SMIM41: variants seen among roughly 807,000 people sequenced by gnomAD.
The protein encoded by SMIM41 is small integral membrane protein 41.
rs563104656 is a variant in SMIM41 at position 52,103,255 on chromosome 12, A to G, written c.*196-4124A>G. ...GGCACAAGAATCGCTTGAACCCGGG[A>G]GGTGGAGGTTGCAGTGAGCCCAGAT... On this transcript the variant is annotated intron_variant, in intron 2 of 2. Transcript: ENST00000546390. Among the ~76,000 whole-genome samples, 3 of 148,434 alleles carry G rather than the reference A, an allele frequency of 2.0e-5. No homozygotes were observed. In the Admixed American group the frequency reaches 2.0e-4, roughly 10 times the overall value.
At chr12:52,091,999 T>C (rs1305192416) in intron 2 of SMIM41, 3 of 152,236 alleles carry the variant, frequency 2.0e-5, no homozygotes, top group Non-Finnish European at 2.9e-5. Flanking sequence ...ACCACCTTCA[T>C]GGATTTGCGT....
chr12:52,100,622 A>ATTTTTTTTTTTTTTTT lies in SMIM41; in HGVS notation c.*196-6750_*196-6735dup, dbSNP rs1173057236. 1.1e-4 allele frequency among the ~76,000 whole-genome samples: 12 copies of ATTTTTTTTTTTTTTTT among 111,130 alleles called. 1 individual carries two copies. The highest frequency in any genetic ancestry group is 2.6e-4 in the East Asian group (1 of 3,778). 72.9% of individuals were successfully genotyped at this position (111,130 alleles called of 152,430 possible). A position where few individuals can be genotyped will look rare whatever the true frequency, so the allele number is the denominator to read the frequency against. ...CAGGCATGCGCTACCGCGCCCAGCT[A>ATTTTTTTTTTTTTTTT]TTTTTTTTTTTTTTTTTTTTTTGTA... On this transcript the variant is annotated intron_variant, in intron 2 of 2. Coordinates refer to ENST00000546390, the MANE Select transcript of SMIM41 (RefSeq NM_001369216.1).
chr12:52,088,557 CA>C (rs1270458082), intron 2 of SMIM41, among the ~76,000 whole-genome samples: 1 of 152,210 alleles, frequency 6.6e-6, no homozygotes, highest in African/African-American at 2.4e-5. Context: ...TCCACCCCAG[CA>C]GCTGTCCCCG....
chr12:52,085,690 C>G (rs894060316), intron 2 of SMIM41, among the ~76,000 whole-genome samples: 4 of 152,064 alleles, frequency 2.6e-5, no homozygotes, highest in African/African-American at 9.7e-5. Context: ...AACAGTACTA[C>G]GCTGAGAGTA....
chr12:52,107,544 G>T lies in SMIM41; in HGVS notation c.*361G>T. On this transcript the variant is annotated 3_prime_UTR_variant, in exon 3 of 3. Transcript: ENST00000546390. ...CTCCAACCTGTCCTTGCCTGACATCGGTTTCACCTCCACCACGGTCCCCCA... is the reference window on the plus strand; with the variant it reads ...CTCCAACCTGTCCTTGCCTGACATCTGTTTCACCTCCACCACGGTCCCCCA... 2.0e-6 allele frequency: 2 copies of T among 976,362 alleles called. No individual in the cohort carries two copies. Among genetic ancestry groups the T allele is most frequent in the South Asian group, 1.3e-5 (1 of 79,490 alleles). 60.5% of individuals were successfully genotyped at this position (976,362 alleles called of 1,614,324 possible).
At chr12:52,091,762 C>T (rs1015410009) in intron 2 of SMIM41, among the ~76,000 whole-genome samples, 1 of 152,204 alleles carries the variant, frequency 6.6e-6, no homozygotes, top group African/African-American at 2.4e-5. Flanking sequence ...AATGTATGAA[C>T]TCCCAGAAAT....
At chr12:52,090,735 G>A (rs1939985674) in intron 2 of SMIM41, among the ~76,000 whole-genome samples, 1 of 152,248 alleles carries the variant, frequency 6.6e-6, no homozygotes, top group Non-Finnish European at 1.5e-5. Context: ...CTGGCAGAGA[G>A]GAAAGACTGG....
At chr12:52,105,769 A>G (rs1172343469) in intron 2 of SMIM41, among the ~76,000 whole-genome samples, 1 of 152,184 alleles carries the variant, frequency 6.6e-6, no homozygotes, top group African/African-American at 2.4e-5. Flanking sequence ...AACAAAAACA[A>G]AAACAAAAAA....
At chr12:52,082,353 G>A (rs952295283) in intron 1 of SMIM41, among the ~76,000 whole-genome samples, 1 of 152,166 alleles carries the variant, frequency 6.6e-6, no homozygotes, top group African/African-American at 2.4e-5. Flanking sequence ...TGGGGCGGGG[G>A]TGTAGAGGTG....
At chr12:52,080,684 A>G (rs1003332437) in intron 1 of SMIM41, among the ~76,000 whole-genome samples, 36 of 152,164 alleles carry the variant, frequency 2.4e-4, no homozygotes, top group Admixed American at 3.9e-4. Flanking sequence ...AGGCGGCTCC[A>G]GCCTTTGGCC....
At chr12:52,107,202 G>A in intron 2 of SMIM41, 177 bp from the exon 3 acceptor site, 2 of 361,430 alleles carry the variant, frequency 5.5e-6, no homozygotes, top group Admixed American at 3.7e-5. Context: ...TCCTGAGTGT[G>A]GATTGCTCTG....
rs1219364565 is a variant in SMIM41, at chr12:52,107,467, A to T, written c.*284A>T. 3.7e-5 allele frequency: 23 copies of T among 628,942 alleles called. No individual in the cohort carries two copies. Among genetic ancestry groups the T allele is most frequent in the Non-Finnish European group, 6.7e-5 (22 of 327,672 alleles). 39.0% of individuals were successfully genotyped at this position (628,942 alleles called of 1,614,324 possible). A position where few individuals can be genotyped will look rare whatever the true frequency, so the allele number is the denominator to read the frequency against. On this transcript the variant is annotated 3_prime_UTR_variant, in exon 3 of 3. Coordinates refer to ENST00000546390, the MANE Select transcript of SMIM41 (RefSeq NM_001369216.1). ...CATGGTGCTGGGGAACCTGCTCATC[A>T]TCCGGCCATGAGCCCTGACTCCCAC...
Position 52,107,417 on chromosome 12 carries a change from G to T in SMIM41, c.*234G>T. 1 of 572,200 alleles carries T rather than the reference G, an allele frequency of 1.7e-6. No homozygotes were observed. The highest frequency in any genetic ancestry group is 1.4e-5 in the South Asian group (1 of 72,678). The allele number at this position is 572,200 out of a possible 1,614,324, so 35.4% of individuals were successfully genotyped here. ...CCAGAACGGCAGCTGGTCCTTGCTG[G>T]ACTGTTCCTGTCCATGTGCCTGGTC... On this transcript the variant is annotated 3_prime_UTR_variant, in exon 3 of 3. Transcript: ENST00000546390.
chr12:52,080,994 T>C (rs2453076), intron 1 of SMIM41, among the ~76,000 whole-genome samples: 4,308 of 151,994 alleles, frequency 0.028, 191 homozygotes, highest in African/African-American at 0.097. Flanking sequence ...GGAGCGCTGC[T>C]CCGGGAAGTG....
intron 2 of SMIM41, among the ~76,000 whole-genome samples, chr12:52,094,105 T>C (rs1940049324): frequency 7.7e-6 from 1 of 129,220 alleles, no homozygotes; most frequent in African/African-American, 2.9e-5. Context: ...CACTCCAGCC[T>C]GGGTGACAGA....
intron 2 of SMIM41, among the ~76,000 whole-genome samples, chr12:52,100,636 TTTTTTTTTG>T: frequency 6.7e-6 from 1 of 148,570 alleles, no homozygotes; most frequent in African/African-American, 2.5e-5. Flanking sequence ...TTTTTTTTTT[TTTTTTTTTG>T]TATTTTTAGT....
chr12:52,105,990 G>A (rs752509843), intron 2 of SMIM41, among the ~76,000 whole-genome samples: 4 of 152,122 alleles, frequency 2.6e-5, no homozygotes, highest in East Asian at 1.9e-4. Flanking sequence ...GTGGGCTCCC[G>A]CTGCATGATC....
At chr12:52,101,848 G>T (rs1221777932) in intron 2 of SMIM41, among the ~76,000 whole-genome samples, 2 of 152,130 alleles carry the variant, frequency 1.3e-5, no homozygotes, top group African/African-American at 2.4e-5. Context: ...GAGTAGCTGG[G>T]ATTACAGGCA....
intron 2 of SMIM41, among the ~76,000 whole-genome samples, chr12:52,089,847 G>A (rs1443628185): frequency 6.6e-6 from 1 of 152,122 alleles, no homozygotes; most frequent in East Asian, 1.9e-4. Context: ...GTATGACCTC[G>A]TCTTAATTTA....
Sources: gnomAD v4.1 joint callset for allele counts (sites outside exome capture counted in the v4.1 genomes callset) on GRCh38, gnomAD v4.1.1 for gene constraint, MANE v1.5 for transcripts, NCBI Gene and HGNC (gene_info 2026-07-23, HGNC 2026-07-21) for gene names.